PRKAR1B: variants seen among roughly 807,000 people sequenced by gnomAD.
PRKAR1B encodes protein kinase cAMP-dependent type I regulatory subunit beta.
In PRKAR1B, 22 loss-of-function variants were observed where a neutral mutation model predicts 46.5. The ratio of observed to expected loss-of-function variants is 0.47; its 90% CI spans 0.34 to 0.68. The LOEUF is 0.68. PRKAR1B is among the 30% of genes least tolerant of loss of function. The pLI is 0.01. For missense variants in PRKAR1B, 445 were observed against 535.6 expected (o/e 0.83, Z 1.67); for synonymous variants, 259 against 217.7 (o/e 1.19, Z -1.67).
intron 4 of PRKAR1B, among the ~76,000 whole-genome samples, chr7:612,752 TGAA>T (rs113034998): frequency 0.095 from 14,493 of 151,938 alleles, 1,966 homozygotes; most frequent in African/African-American, 0.31. Context: ...TTTAGGAACT[TGAA>T]GAAACAACGG....
intron 4 of PRKAR1B, among the ~76,000 whole-genome samples, chr7:664,868 C>G (rs549634773): frequency 2.0e-4 from 30 of 152,200 alleles, no homozygotes; most frequent in African/African-American, 7.0e-4. Context: ...GAGCCAAGAT[C>G]GTGCCACTAC....
At chr7:559,463 C>CA (rs1583200449) in intron 9 of PRKAR1B, among the ~76,000 whole-genome samples, 2 of 152,120 alleles carry the variant, frequency 1.3e-5, no homozygotes, top group African/African-American at 4.8e-5. Flanking sequence ...CGCACTTCCC[C>CA]ATGCCCGGCA....
Position 726,755 on chromosome 7 carries a change from C to A in PRKAR1B, c.-23+455G>T. 1 of 1,255,084 alleles carries A rather than the reference C, an allele frequency of 8.0e-7. No homozygotes were observed. Among genetic ancestry groups the A allele is most frequent in the South Asian group, 3.2e-5 (1 of 31,178 alleles). The allele number at this position is 1,255,084 out of a possible 1,614,324, so 77.7% of individuals were successfully genotyped here. A position where few individuals can be genotyped will look rare whatever the true frequency, so the allele number is the denominator to read the frequency against. On this transcript the variant is annotated intron_variant, in intron 1 of 10. Coordinates refer to ENST00000537384, the MANE Select transcript of PRKAR1B (RefSeq NM_001164760.2). ...CTGGGGGTGGCGGAGGCCGTGGCGG[C>A]CCCACACCCGGCTGAGGGGGCCGAG...
At chr7:715,650 AG>A (rs1173364653) in intron 1 of PRKAR1B, among the ~76,000 whole-genome samples, 2 of 152,098 alleles carry the variant, frequency 1.3e-5, no homozygotes, top group African/African-American at 4.8e-5. Context: ...ATGTGCCTGT[AG>A]GATTCATCAT....
At chr7:588,730 G>T (rs1221695385) in intron 7 of PRKAR1B, among the ~76,000 whole-genome samples, 2 of 61,810 alleles carry the variant, frequency 3.2e-5, no homozygotes, top group Admixed American at 1.8e-4. Context: ...ATGGTGGTGA[G>T]GATAGTGACA....
intron 9 of PRKAR1B, among the ~76,000 whole-genome samples, chr7:569,564 G>A (rs766573855): frequency 3.9e-5 from 6 of 152,172 alleles, no homozygotes; most frequent in Non-Finnish European, 5.9e-5. Flanking sequence ...GGGGCATGCA[G>A]CCCCTCCCCT....
At chr7:679,087 T>C (rs190084232) in intron 3 of PRKAR1B, among the ~76,000 whole-genome samples, 1 of 152,282 alleles carries the variant, frequency 6.6e-6, no homozygotes, top group Admixed American at 6.5e-5. Flanking sequence ...AAACTCCATC[T>C]CAAAAAAATA....
At position 562,863 on chromosome 7, in the gene PRKAR1B, C is replaced by A. The variant is rs76623880; in HGVS notation, c.892-11393G>T. Among the ~76,000 whole-genome samples the A allele has an allele frequency of 0.012, 1,888 of 152,312 alleles. 61 individuals are homozygous for A. In the East Asian group the frequency reaches 0.14, roughly 11 times the overall value. On this transcript the variant is annotated intron_variant, in intron 9 of 10. Coordinates refer to ENST00000537384, the MANE Select transcript of PRKAR1B (RefSeq NM_001164760.2). ...CCCGGCCAGGATGTCCTGACCCCAG[C>A]TGAGATGCCCAGACACCAGCAGAGA...
chr7:676,305 G>C (rs1235412982), intron 4 of PRKAR1B, among the ~76,000 whole-genome samples: 2 of 152,124 alleles, frequency 1.3e-5, no homozygotes, highest in African/African-American at 4.8e-5. Context: ...CCCTCTCCCT[G>C]AATAACCCTG....
chr7:654,500 A>T (rs977156117), intron 4 of PRKAR1B, among the ~76,000 whole-genome samples: 9 of 149,956 alleles, frequency 6.0e-5, no homozygotes, highest in African/African-American at 2.2e-4. Flanking sequence ...CCTCACTATC[A>T]CCATCACTGC....
At chr7:568,668 C>T (rs766513674) in intron 9 of PRKAR1B, among the ~76,000 whole-genome samples, 6 of 151,994 alleles carry the variant, frequency 3.9e-5, no homozygotes, top group East Asian at 1.9e-4. Flanking sequence ...GGGGGGTGGA[C>T]GACCGTGGGG....
chr7:557,564 A>G (rs1778523322), intron 9 of PRKAR1B, among the ~76,000 whole-genome samples: 1 of 152,170 alleles, frequency 6.6e-6, no homozygotes, highest in African/African-American at 2.4e-5. Flanking sequence ...GAGGAGGGAG[A>G]AACAGGATGG....
At chr7:623,751 C>T (rs1783233059) in intron 4 of PRKAR1B, among the ~76,000 whole-genome samples, 1 of 152,252 alleles carries the variant, frequency 6.6e-6, no homozygotes, top group Non-Finnish European at 1.5e-5. Flanking sequence ...GTACCTAGTG[C>T]AATGGTCCAG....
chr7:576,998 A>G lies in PRKAR1B; in HGVS notation c.891+2258T>C, dbSNP rs529358750. On this transcript the variant is annotated intron_variant, in intron 9 of 10. Coordinates refer to ENST00000537384, the MANE Select transcript of PRKAR1B (RefSeq NM_001164760.2). ...CTCGTCCAACGCCATCAGCGGCCTC[A>G]TCCAACTCCATCAGTCGCCTCACCC... Among the ~76,000 whole-genome samples the G allele has an allele frequency of 1.3e-4, 20 of 148,594 alleles. No homozygotes were observed. The East Asian group carries it at 2.4e-3, about 18-fold the overall frequency.
chr7:647,344 G>C (rs1334771675), intron 4 of PRKAR1B, among the ~76,000 whole-genome samples: 1 of 152,072 alleles, frequency 6.6e-6, no homozygotes, highest in Non-Finnish European at 1.5e-5. Context: ...ATCACCTGTG[G>C]CTGGGACAAC....
chr7:712,481 A>G (rs1780704892), intron 1 of PRKAR1B: 1 of 146,266 alleles, frequency 6.8e-6, no homozygotes, highest in Non-Finnish European at 1.5e-5. Flanking sequence ...ACGGCTGGCG[A>G]GCGAGCGAGC....
At chr7:599,005 G>T (rs1050428058) in intron 6 of PRKAR1B, among the ~76,000 whole-genome samples, 2 of 152,250 alleles carry the variant, frequency 1.3e-5, no homozygotes, top group Admixed American at 6.5e-5. Context: ...TCAAAGCGGG[G>T]ATCCGTGGCT....
rs1163322936 is a variant in PRKAR1B, at chr7:584,577, G to C, written c.709-9C>G. 1.9e-6 allele frequency: 3 copies of C among 1,612,226 alleles called. No homozygotes were observed. Among genetic ancestry groups the C allele is most frequent in the Admixed American group, 3.3e-5 (2 of 59,896 alleles). ...TTCCTCAGCGTGCTGCCCTGTTCGGGAGAAAGTAAAAAACAGACAAGAAGG... is the reference window on the plus strand; with the variant it reads ...TTCCTCAGCGTGCTGCCCTGTTCGGCAGAAAGTAAAAAACAGACAAGAAGG... On this transcript the variant is annotated splice_polypyrimidine_tract_variant and intron_variant, in intron 7 of 10. Transcript: ENST00000537384.
In PRKAR1B at chr7:560,116, G is replaced by T. The variant is rs190637961; in HGVS notation, c.892-8646C>A. ...CTCCCATAATCCCCACGTGTTGTGG[G>T]AGGGACCCAGGGGGCGGTAACTGAA... On this transcript the variant is annotated intron_variant, in intron 9 of 10. Coordinates refer to ENST00000537384, the MANE Select transcript of PRKAR1B (RefSeq NM_001164760.2). The surrounding 1 kb of genome is among the most constrained non-coding windows in gnomAD (Gnocchi z 4.2). 4.6e-4 allele frequency among the ~76,000 whole-genome samples: 70 copies of T among 152,218 alleles called. 1 individual carries two copies. The highest frequency in any genetic ancestry group is 1.6e-3 in the African/African-American group (68 of 41,514).
Sources: allele counts gnomAD v4.1 joint callset (sites outside exome capture counted in the v4.1 genomes callset), GRCh38; gene constraint gnomAD v4.1.1; non-coding constraint Gnocchi (gnomAD v3.1); transcripts MANE v1.5; gene names NCBI Gene and HGNC (gene_info 2026-07-23, HGNC 2026-07-21).